The following VWA8 variants were observed in gnomAD, a reference collection of about 807,000 sequenced individuals.
The protein encoded by VWA8 is von Willebrand factor A domain-containing protein 8.
VWA8 carries 221 observed loss-of-function variants against 241.5 expected under a neutral mutation model. That is an observed-to-expected ratio of 0.91 (90% CI 0.82 to 1.02). VWA8 has a LOEUF of 1.02. Ranked by LOEUF, VWA8 falls within the 50% of genes least tolerant of loss-of-function variation. The pLI, the probability that VWA8 is intolerant of heterozygous loss-of-function variation, is 0.00. For missense variants in VWA8, 2,322 were observed against 2,328.7 expected (o/e 1.00, Z 0.06); for synonymous variants, 852 against 827.1 (o/e 1.03, Z -0.52).
Position 41,670,168 on chromosome 13 carries a change from C to T in VWA8, c.4611+778G>A, listed in dbSNP as rs114413066. Among the ~76,000 whole-genome samples, 802 of 152,044 alleles carry T rather than the reference C, an allele frequency of 5.3e-3. 5 individuals are homozygous for T. The highest frequency in any genetic ancestry group is 0.018 in the African/African-American group (765 of 41,474). On this transcript the variant is annotated intron_variant, in intron 37 of 44. Transcript: ENST00000379310. ...GCAGAACAACCTGGCTGGGAGGAACCTACTTTTCTTTTTGTTGGATAAGAA... is the reference window on the plus strand; with the variant it reads ...GCAGAACAACCTGGCTGGGAGGAACTTACTTTTCTTTTTGTTGGATAAGAA...
At chr13:41,899,064 C>T (rs922483098) in intron 4 of VWA8, among the ~76,000 whole-genome samples, 82 of 152,228 alleles carry the variant, frequency 5.4e-4, no homozygotes, top group Non-Finnish European at 1.2e-4. Flanking sequence ...CCTCAAGTGC[C>T]GCCAAAGTGG....
chr13:41,688,781 AC>A (rs1362656049), intron 34 of VWA8, among the ~76,000 whole-genome samples: 2 of 152,136 alleles, frequency 1.3e-5, no homozygotes, highest in South Asian at 2.1e-4. Context: ...TCGAGGACAT[AC>A]GGACACAAAG....
At chr13:41,683,228 T>C (rs181203713) in intron 35 of VWA8, among the ~76,000 whole-genome samples, 256 of 151,668 alleles carry the variant, frequency 1.7e-3, no homozygotes, top group African/African-American at 6.0e-3. Flanking sequence ...CTGTGGTACA[T>C]CTATATAATA....
intron 2 of VWA8, among the ~76,000 whole-genome samples, chr13:41,917,906 C>T (rs1876333555): frequency 6.6e-6 from 1 of 152,186 alleles, no homozygotes; most frequent in Non-Finnish European, 1.5e-5. Flanking sequence ...TTTTCTACCA[C>T]ATCACAACAC....
intron 21 of VWA8, among the ~76,000 whole-genome samples, chr13:41,742,641 G>C (rs1338962216): frequency 6.6e-6 from 1 of 152,130 alleles, no homozygotes. Flanking sequence ...AATTAAAGAA[G>C]GATATTTTGG....
chr13:41,865,836 A>G (rs1219473298), intron 11 of VWA8, 23 bp from the exon 12 acceptor site: 1 of 1,614,216 alleles, frequency 6.2e-7, no homozygotes, highest in Non-Finnish European at 8.5e-7. Context: ...AAAATTATTC[A>G]AGAGGTAAGT....
At chr13:41,797,932 A>C (rs1188134468) in intron 17 of VWA8, among the ~76,000 whole-genome samples, 1 of 152,044 alleles carries the variant, frequency 6.6e-6, no homozygotes, top group African/African-American at 2.4e-5. Context: ...TTTCATGTTT[A>C]CTCTTTATTT....
intron 26 of VWA8, 113 bp downstream of exon 26, chr13:41,719,478 G>C: frequency 6.4e-7 from 1 of 1,556,046 alleles, no homozygotes. Flanking sequence ...ACATGTATTT[G>C]AAAAGCTTAC....
intron 37 of VWA8, among the ~76,000 whole-genome samples, chr13:41,651,863 GC>G (rs2139688418): frequency 6.6e-6 from 1 of 152,260 alleles, no homozygotes; most frequent in Non-Finnish European, 1.5e-5. Context: ...AGAGAATGGG[GC>G]TTCATTTCTC....
Position 41,703,414 on chromosome 13 carries a change from G to GT in VWA8, c.3117-4dup. 6.2e-7 allele frequency: 1 copy of GT among 1,612,826 alleles called. No individual in the cohort carries two copies. The highest frequency in any genetic ancestry group is 8.5e-7 in the Non-Finnish European group (1 of 1,179,202). Reference sequence around the variant, plus strand: ...ACGTTTGTTCTGGCAGAGTCAACCTGTTAAGGATGATTTGCAAAGTAAATA... The same window carrying GT: ...ACGTTTGTTCTGGCAGAGTCAACCTGTTTAAGGATGATTTGCAAAGTAAATA... On this transcript the variant is annotated splice_polypyrimidine_tract_variant and splice_region_variant and intron_variant, in intron 26 of 44. Transcript: ENST00000379310.
chr13:41,880,081 G>A (rs973040220), intron 9 of VWA8, among the ~76,000 whole-genome samples: 3 of 152,134 alleles, frequency 2.0e-5, no homozygotes, highest in African/African-American at 7.2e-5. Flanking sequence ...ACTATACAAT[G>A]AGGAAATTAT....
chr13:41,567,074 G>A lies in VWA8; in HGVS notation c.*1123C>T, dbSNP rs548375239. ...AACGTTTCTGATTTTGCTATCAATC[G>A]TGAAGAGGAGTTTTTAAATTATATG... On this transcript the variant is annotated 3_prime_UTR_variant, in exon 45 of 45. Transcript: ENST00000379310. The A allele has an allele frequency of 2.6e-5, 4 of 152,210 alleles. No homozygotes were observed. The highest frequency in any genetic ancestry group is 2.1e-4 in the South Asian group (1 of 4,818). The allele number at this position is 152,210 out of a possible 1,614,324, so 9.4% of individuals were successfully genotyped here.
intron 5 of VWA8, among the ~76,000 whole-genome samples, chr13:41,891,065 C>G (rs927824731): frequency 6.6e-6 from 1 of 151,324 alleles, no homozygotes; most frequent in Non-Finnish European, 1.5e-5. Flanking sequence ...CCAGCACTAT[C>G]TAGAAGTCAT....
chr13:41,873,135 G>A (rs1380658878), intron 9 of VWA8, among the ~76,000 whole-genome samples: 5 of 152,020 alleles, frequency 3.3e-5, no homozygotes, highest in African/African-American at 7.2e-5. Flanking sequence ...TGAAACCAAC[G>A]AGAACAAAGA....
At chr13:41,864,989 C>CAAAAAAAAAAAA (rs35515775) in intron 12 of VWA8, among the ~76,000 whole-genome samples, 2 of 75,084 alleles carry the variant, frequency 2.7e-5, no homozygotes, top group Admixed American at 1.4e-4. Context: ...AACTCCATCT[C>CAAAAAAAAAAAA]AAAAAAAAAA....
chr13:41,576,436 A>G (rs749601084), intron 42 of VWA8, among the ~76,000 whole-genome samples: 30 of 152,244 alleles, frequency 2.0e-4, no homozygotes, highest in Non-Finnish European at 3.4e-4. Flanking sequence ...TGGTTAGTCC[A>G]TGCTAGCTGA....
chr13:41,833,261 T>A (rs1206731432), intron 13 of VWA8, 110 bp downstream of exon 13: 50 of 1,282,386 alleles, frequency 3.9e-5, no homozygotes, highest in Non-Finnish European at 5.1e-5. Context: ...TTTTTCAGGA[T>A]CTACACAACC....
intron 20 of VWA8, among the ~76,000 whole-genome samples, chr13:41,762,442 G>C (rs1280349865): frequency 2.6e-5 from 4 of 152,106 alleles, no homozygotes; most frequent in African/African-American, 7.2e-5. Flanking sequence ...GGTAATTCTA[G>C]TGAAACCAGG....
chr13:41,861,495 G>A (rs991559650), intron 12 of VWA8, among the ~76,000 whole-genome samples: 2 of 151,998 alleles, frequency 1.3e-5, no homozygotes, highest in Non-Finnish European at 2.9e-5. Context: ...TAGGAAAAGG[G>A]GAAGTCAAGC....
Sources: allele counts gnomAD v4.1 joint callset (sites outside exome capture counted in the v4.1 genomes callset), GRCh38; gene constraint gnomAD v4.1.1; transcripts MANE v1.5; gene names NCBI Gene and HGNC (gene_info 2026-07-23, HGNC 2026-07-21).